The following KCTD20 variants were observed in gnomAD, a reference collection of about 807,000 sequenced individuals.
The protein encoded by KCTD20 is BTB/POZ domain-containing protein KCTD20.
A neutral mutation model predicts 39.6 loss-of-function variants in KCTD20; 30 were observed. That is an observed-to-expected ratio of 0.76 (90% CI 0.57 to 1.03). The LOEUF is 1.03. KCTD20 is among the 50% of genes least tolerant of loss of function. The probability of loss-of-function intolerance (pLI) is 0.00; values close to 1 mark genes in which losing one functional copy is unlikely to be tolerated. For missense variants in KCTD20, 422 were observed against 522.0 expected, an observed-to-expected ratio of 0.81 and a Z score of 1.87; for synonymous variants, 162 against 180.6, an observed-to-expected ratio of 0.90 and a Z score of 0.83.
chr6:36,449,050 A>G (rs1009401005), intron 1 of KCTD20, among the ~76,000 whole-genome samples: 2 of 152,198 alleles, frequency 1.3e-5, no homozygotes, highest in African/African-American at 4.8e-5. Context: ...GTGCAGACCC[A>G]AAGAATGAGC....
chr6:36,463,087 C>G (rs774547699), intron 1 of KCTD20, among the ~76,000 whole-genome samples: 1 of 152,162 alleles, frequency 6.6e-6, no homozygotes, highest in Non-Finnish European at 1.5e-5. Context: ...TGGTGGTAAC[C>G]TTGACTTTTC....
intron 4 of KCTD20, 39 bp from the exon 5 acceptor site, chr6:36,479,552 G>T (rs779645809): frequency 7.6e-6 from 12 of 1,576,334 alleles, no homozygotes; most frequent in Admixed American, 1.8e-5. Context: ...TTTTCATCTT[G>T]TTCTCTGCCT....
Position 36,474,763 on chromosome 6 carries a change from T to C in KCTD20, c.161-26T>C, listed in dbSNP as rs759811774. On this transcript the variant is annotated intron_variant, in intron 2 of 7. Transcript: ENST00000373731. ...CTCAAGGCTTTTGCTCTCAAGTTGT[T>C]TTGGTTTCTTTGTATGTTCTTTTAG... 3.3e-6 allele frequency: 5 copies of C among 1,529,556 alleles called. No individual in the cohort carries two copies. In the African/African-American group the frequency reaches 7.0e-5, roughly 21 times the overall value. 94.7% of individuals were successfully genotyped at this position (1,529,556 alleles called of 1,614,324 possible). A position where few individuals can be genotyped will look rare whatever the true frequency, so the allele number is the denominator to read the frequency against.
intron 1 of KCTD20, among the ~76,000 whole-genome samples, chr6:36,452,931 A>T (rs554626771): frequency 6.6e-6 from 1 of 151,896 alleles, no homozygotes; most frequent in Admixed American, 6.6e-5. Flanking sequence ...AGTATATTCA[A>T]AGTTGTGCAG....
intron 1 of KCTD20, among the ~76,000 whole-genome samples, chr6:36,462,327 G>T (rs1275320923): frequency 6.6e-6 from 1 of 152,082 alleles, no homozygotes; most frequent in Non-Finnish European, 1.5e-5. Context: ...TGGGTTTTGG[G>T]TCTTGATTAA....
In KCTD20 at chr6:36,486,900, G is replaced by GA. The variant is rs1561962382; in HGVS notation, c.991dup (p.Ile331AsnfsTer2). On this transcript the variant is annotated frameshift_variant, in exon 8 of 8. Transcript: ENST00000373731. LOFTEE classifies it high-confidence loss of function. ...CATTGCAGGTTACCCTACCTGTAAA[G>GA]AAAAAATTAAGAGAAGGCCTGGCGG... 1 of 1,612,780 alleles carries GA rather than the reference G, an allele frequency of 6.2e-7. No homozygotes were observed. Among genetic ancestry groups the GA allele is most frequent in the Admixed American group, 1.7e-5 (1 of 59,672 alleles).
rs1776487213 is a variant in KCTD20, at chr6:36,488,362, T to C, written c.*1187T>C. 1 of 152,200 alleles carries C rather than the reference T, an allele frequency of 6.6e-6. No homozygotes were observed. Among genetic ancestry groups the C allele is most frequent in the African/African-American group, 2.4e-5 (1 of 41,440 alleles). The allele number at this position is 152,200 out of a possible 1,614,324, so 9.4% of individuals were successfully genotyped here. A position where few individuals can be genotyped will look rare whatever the true frequency, so the allele number is the denominator to read the frequency against. ...ATTTTATTTGATCTATTAGCTCTGT[T>C]ATCAGTGCATGATCACCCAGATCAC... On this transcript the variant is annotated 3_prime_UTR_variant, in exon 8 of 8. Transcript: ENST00000373731.
In KCTD20 at chr6:36,448,015, G is replaced by GTGTATGTATATATATATATATATATA. The variant is rs559687288; in HGVS notation, c.-47+4905_-47+4906insGTATGTATATATATATATATATATAT. Among the ~76,000 whole-genome samples the GTGTATGTATATATATATATATATATA allele has an allele frequency of 2.6e-3, 340 of 128,792 alleles. 2 individuals are homozygous for GTGTATGTATATATATATATATATATA. Among genetic ancestry groups the GTGTATGTATATATATATATATATATA allele is most frequent in the African/African-American group, 0.011 (323 of 28,942 alleles). 84.5% of individuals were successfully genotyped at this position (128,792 alleles called of 152,430 possible). A position where few individuals can be genotyped will look rare whatever the true frequency, so the allele number is the denominator to read the frequency against. On this transcript the variant is annotated intron_variant, in intron 1 of 7. Transcript: ENST00000373731. ...CCAAAATATATGTGTATGTGTGTGT[G>GTGTATGTATATATATATATATATATA]TATATATATATATATATATATATAT...
chr6:36,490,839 T>A lies in KCTD20; in HGVS notation c.*3664T>A, dbSNP rs1417615459. 1 of 152,080 alleles carries A rather than the reference T, an allele frequency of 6.6e-6. No homozygotes were observed. The highest frequency in any genetic ancestry group is 1.9e-4 in the East Asian group (1 of 5,168). 9.4% of individuals were successfully genotyped at this position (152,080 alleles called of 1,614,324 possible). ...GACAGGGCAAGACCCTGTCTCAATA[T>A]TTTAAGTCAAGGGTTTGTAGTAATG... On this transcript the variant is annotated 3_prime_UTR_variant, in exon 8 of 8. Transcript: ENST00000373731.
intron 2 of KCTD20, among the ~76,000 whole-genome samples, chr6:36,470,669 T>C (rs1354339872): frequency 2.0e-5 from 3 of 152,172 alleles, no homozygotes; most frequent in Non-Finnish European, 4.4e-5. Flanking sequence ...TGGCGCGATC[T>C]TGGCTCACTG....
chr6:36,444,492 A>G (rs1193065545), intron 1 of KCTD20, among the ~76,000 whole-genome samples: 18 of 152,084 alleles, frequency 1.2e-4, no homozygotes, highest in African/African-American at 4.1e-4. Flanking sequence ...GGCTGCTTCT[A>G]GTATCATCAG....
chr6:36,449,487 T>TTGTAA (rs1283130672), intron 1 of KCTD20, among the ~76,000 whole-genome samples: 1 of 152,144 alleles, frequency 6.6e-6, no homozygotes, highest in African/African-American at 2.4e-5. Flanking sequence ...ATTGGTGTGT[T>TTGTAA]TTTACAGAGT....
intron 3 of KCTD20, 107 bp downstream of exon 3, chr6:36,475,169 G>A (rs1776027831): frequency 1.7e-6 from 2 of 1,198,230 alleles, no homozygotes; most frequent in African/African-American, 1.5e-5. Context: ...GTATAGGTTG[G>A]GCGCGGTGGC....
At chr6:36,478,101 A>AAAAAAAAAAAAAAAG (rs112536319) in intron 3 of KCTD20, among the ~76,000 whole-genome samples, 31 of 145,720 alleles carry the variant, frequency 2.1e-4, no homozygotes, top group African/African-American at 5.2e-4. Flanking sequence ...TCTCAAAAAA[A>AAAAAAAAAAAAAAAG]AAAAGAAAAG....
chr6:36,479,092 GA>G, intron 3 of KCTD20, 28 bp from the exon 4 acceptor site: 1 of 1,404,748 alleles, frequency 7.1e-7, no homozygotes, highest in Non-Finnish European at 1.0e-6. Flanking sequence ...TGATGGAGAA[GA>G]TAACATTATT....
At chr6:36,444,354 T>C (rs1774972086) in intron 1 of KCTD20, among the ~76,000 whole-genome samples, 1 of 152,216 alleles carries the variant, frequency 6.6e-6, no homozygotes, top group African/African-American at 2.4e-5. Flanking sequence ...GCCCTGACTC[T>C]CCAGAAGCCA....
At chr6:36,479,805 T>A in intron 5 of KCTD20, 94 bp downstream of exon 5, 1 of 943,894 alleles carries the variant, frequency 1.1e-6, no homozygotes. Flanking sequence ...TTTTTTTTTT[T>A]TTTTGAGACA....
At chr6:36,485,910 CTTTT>C (rs539635393) in intron 7 of KCTD20, among the ~76,000 whole-genome samples, 22 of 147,588 alleles carry the variant, frequency 1.5e-4, no homozygotes, top group Admixed American at 7.5e-4. Flanking sequence ...AGTTGGAGGA[CTTTT>C]TTTTTTAAGA....
rs56361858 is a variant in KCTD20 at position 36,479,285 on chromosome 6, G to C, written c.537+62G>C. 8.8e-3 allele frequency: 10,359 copies of C among 1,171,022 alleles called. 59 individuals carry two copies. Among genetic ancestry groups the C allele is most frequent in the Middle Eastern group, 0.014 (69 of 5,044 alleles). 72.5% of individuals were successfully genotyped at this position (1,171,022 alleles called of 1,614,324 possible). A position where few individuals can be genotyped will look rare whatever the true frequency, so the allele number is the denominator to read the frequency against. On this transcript the variant is annotated intron_variant, in intron 4 of 7. Coordinates refer to ENST00000373731, the MANE Select transcript of KCTD20 (RefSeq NM_173562.5). ...AGGGGCATGTGTGATCAATAGCCTTGAGAGTTCCATCAACTATGTTATTGA... is the reference window on the plus strand; with the variant it reads ...AGGGGCATGTGTGATCAATAGCCTTCAGAGTTCCATCAACTATGTTATTGA...
Sources: gnomAD v4.1 joint callset for allele counts (sites outside exome capture counted in the v4.1 genomes callset) on GRCh38, gnomAD v4.1.1 for gene constraint, MANE v1.5 for transcripts, NCBI Gene and HGNC (gene_info 2026-07-23, HGNC 2026-07-21) for gene names.